SYT1: variants seen among roughly 807,000 people sequenced by gnomAD.
SYT1 encodes synaptotagmin-1.
Under a neutral mutation model 44.8 loss-of-function variants are expected in SYT1, and 8 were observed. The ratio of observed to expected loss-of-function variants is 0.18; its 90% CI spans 0.10 to 0.32. The LOEUF is 0.32. Among genes scored for constraint, SYT1 ranks in the 10% least tolerant of loss-of-function variants. The probability of loss-of-function intolerance (pLI) is 1.00; values close to 1 mark genes in which losing one functional copy is unlikely to be tolerated. For missense variants in SYT1, 286 were observed against 509.3 expected (o/e 0.56, Z 4.22); for synonymous variants, 154 against 188.8 (o/e 0.82, Z 1.51).
At chr12:78,995,011 A>C (rs935924771) in intron 2 of SYT1, among the ~76,000 whole-genome samples, 12 of 152,180 alleles carry the variant, frequency 7.9e-5, no homozygotes, top group African/African-American at 2.9e-4. Context: ...AATTCATGGA[A>C]GCCAGCGATT....
intron 1 of SYT1, among the ~76,000 whole-genome samples, chr12:78,937,400 T>TTTA (rs1252009167): frequency 1.3e-5 from 2 of 152,144 alleles, no homozygotes; most frequent in Non-Finnish European, 2.9e-5. Flanking sequence ...AAATTAAATA[T>TTTA]TTATTCTGGT....
intron 3 of SYT1, among the ~76,000 whole-genome samples, chr12:79,071,657 C>T (rs1293219051): frequency 6.6e-6 from 1 of 152,166 alleles, no homozygotes; most frequent in African/African-American, 2.4e-5. Context: ...TTAGGGAAGG[C>T]TCCTTCCTTG....
intron 3 of SYT1, among the ~76,000 whole-genome samples, chr12:79,099,771 C>A (rs1447660245): frequency 1.3e-5 from 2 of 151,910 alleles, no homozygotes; most frequent in Admixed American, 6.6e-5. Flanking sequence ...GACACTAATT[C>A]CTAATTATGA....
At chr12:78,972,562 G>C (rs1393672142) in intron 1 of SYT1, among the ~76,000 whole-genome samples, 2 of 151,068 alleles carry the variant, frequency 1.3e-5, no homozygotes, top group East Asian at 3.9e-4. Flanking sequence ...TATTTATGAG[G>C]CACATTTCTC....
chr12:79,386,044 G>T (rs774995145), intron 9 of SYT1, among the ~76,000 whole-genome samples: 4 of 152,198 alleles, frequency 2.6e-5, no homozygotes, highest in Non-Finnish European at 5.9e-5. Context: ...TACTGCTGCA[G>T]TGCTGCCTAG....
At chr12:79,377,074 C>G (rs1172909200) in intron 9 of SYT1, among the ~76,000 whole-genome samples, 1 of 151,552 alleles carries the variant, frequency 6.6e-6, no homozygotes, top group Non-Finnish European at 1.5e-5. Flanking sequence ...TTAAATCTTC[C>G]CTTTTAGAGA....
chr12:79,006,044 C>T (rs1871056882), intron 2 of SYT1, among the ~76,000 whole-genome samples: 1 of 152,116 alleles, frequency 6.6e-6, no homozygotes, highest in South Asian at 2.1e-4. Flanking sequence ...CAGGCCTCAT[C>T]TCCTAACAAC....
At chr12:78,936,817 AG>A (rs1403803870) in intron 1 of SYT1, among the ~76,000 whole-genome samples, 2 of 152,136 alleles carry the variant, frequency 1.3e-5, no homozygotes, top group Non-Finnish European at 2.9e-5. Flanking sequence ...GTTAAGCCAT[AG>A]GTGTTTGTTA....
chr12:79,040,953 T>C (rs962783171), intron 2 of SYT1, among the ~76,000 whole-genome samples: 11 of 151,816 alleles, frequency 7.2e-5, no homozygotes, highest in African/African-American at 2.4e-4. Context: ...GCGTTATTTC[T>C]GAGGGCTCTG....
intron 1 of SYT1, among the ~76,000 whole-genome samples, chr12:78,966,452 C>G (rs112203146): frequency 7.9e-5 from 12 of 152,260 alleles, no homozygotes; most frequent in African/African-American, 2.9e-4. Flanking sequence ...TTTAGACAGA[C>G]AATTCCAAGT....
chr12:79,004,556 G>T (rs1870954812), intron 2 of SYT1, among the ~76,000 whole-genome samples: 1 of 151,924 alleles, frequency 6.6e-6, no homozygotes, highest in Non-Finnish European at 1.5e-5. Context: ...TTGGCTTAGG[G>T]CTAAAGATAA....
intron 2 of SYT1, among the ~76,000 whole-genome samples, chr12:79,002,765 A>T (rs1870826018): frequency 6.6e-6 from 1 of 151,998 alleles, no homozygotes; most frequent in Admixed American, 6.6e-5. Context: ...GTTGTTAAGG[A>T]GATGAGGAGG....
intron 3 of SYT1, among the ~76,000 whole-genome samples, chr12:79,048,411 C>T (rs925367167): frequency 6.6e-6 from 1 of 151,756 alleles, no homozygotes; most frequent in Non-Finnish European, 1.5e-5. Flanking sequence ...TATAATTAAT[C>T]ATCATCACGA....
intron 4 of SYT1, among the ~76,000 whole-genome samples, chr12:79,219,929 CA>C: frequency 6.6e-6 from 1 of 151,960 alleles, no homozygotes; most frequent in Admixed American, 6.5e-5. Context: ...GCATTTCTAT[CA>C]GGGCTTTTCT....
At chr12:79,008,267 G>T (rs1871214227) in intron 2 of SYT1, among the ~76,000 whole-genome samples, 1 of 152,048 alleles carries the variant, frequency 6.6e-6, no homozygotes. Context: ...CCTAAGGCAA[G>T]AGTGACTCTG....
At chr12:78,886,053 G>A (rs1040491125) in intron 1 of SYT1, among the ~76,000 whole-genome samples, 4 of 151,758 alleles carry the variant, frequency 2.6e-5, no homozygotes, top group Non-Finnish European at 5.9e-5. Context: ...ACTTGGTAGG[G>A]CTTATCATAA....
At chr12:79,084,506 G>C (rs1451256924) in intron 3 of SYT1, among the ~76,000 whole-genome samples, 1 of 151,886 alleles carries the variant, frequency 6.6e-6, no homozygotes, top group Non-Finnish European at 1.5e-5. Context: ...CTAAATCTGA[G>C]GTCCAGATTA....
intron 3 of SYT1, among the ~76,000 whole-genome samples, chr12:79,084,050 G>C (rs765937252): frequency 6.6e-5 from 10 of 152,158 alleles, no homozygotes; most frequent in Admixed American, 2.0e-4. Flanking sequence ...TAGAGTAGCT[G>C]TTGGTGTGCT....
chr12:79,005,661 C>G (rs1033000373), intron 2 of SYT1, among the ~76,000 whole-genome samples: 4 of 151,860 alleles, frequency 2.6e-5, no homozygotes, highest in African/African-American at 4.8e-5. Flanking sequence ...TAGACACGGC[C>G]CCTACATAGA....
Sources: gnomAD v4.1 joint callset for allele counts (sites outside exome capture counted in the v4.1 genomes callset) on GRCh38, gnomAD v4.1.1 for gene constraint, MANE v1.5 for transcripts, NCBI Gene and HGNC (gene_info 2026-07-23, HGNC 2026-07-21) for gene names.